The following SCAI variants were observed in gnomAD, a reference collection of about 807,000 sequenced individuals.
SCAI encodes suppressor of cancer cell invasion.
SCAI carries 24 observed loss-of-function variants against 92.2 expected under a neutral mutation model. The observed-to-expected ratio is 0.26, with a 90% confidence interval of 0.19 to 0.37. The LOEUF (loss-of-function observed/expected upper bound fraction) is 0.37, where lower values mean the gene tolerates loss of function less well. SCAI is among the 10% of genes least tolerant of loss of function. The pLI, the probability that SCAI is intolerant of heterozygous loss-of-function variation, is 1.00. For missense variants in SCAI, 450 were observed against 736.2 expected, an observed-to-expected ratio of 0.61 and a Z score of 4.50; for synonymous variants, 261 against 258.6, an observed-to-expected ratio of 1.01 and a Z score of -0.09.
intron 2 of SCAI, among the ~76,000 whole-genome samples, chr9:125,107,160 C>A: frequency 6.6e-6 from 1 of 151,884 alleles, no homozygotes; most frequent in East Asian, 1.9e-4. Flanking sequence ...CCTGTAATCC[C>A]AGCACTTTGG....
intron 9 of SCAI, among the ~76,000 whole-genome samples, chr9:125,007,362 T>A: frequency 6.6e-6 from 1 of 151,878 alleles, no homozygotes; most frequent in East Asian, 1.9e-4. Flanking sequence ...AATGAAGAAA[T>A]AGAGAATTCT....
Position 125,034,757 on chromosome 9 carries a change from A to C in SCAI, c.231-5018T>G, listed in dbSNP as rs77424007. 7.2e-3 allele frequency among the ~76,000 whole-genome samples: 1,098 copies of C among 152,140 alleles called. 12 individuals are homozygous for C. The highest frequency in any genetic ancestry group is 0.034 in the Middle Eastern group (10 of 294). ...AGCAAGACCCTGTCTCAAAACAAAC[A>C]AACCCAAAAAACAAATAGTGTAAAA... On this transcript the variant is annotated intron_variant, in intron 3 of 17. Transcript: ENST00000336505.
chr9:124,954,542 T>C (rs1831284492), intron 17 of SCAI, among the ~76,000 whole-genome samples: 1 of 152,232 alleles, frequency 6.6e-6, no homozygotes, highest in African/African-American at 2.4e-5. Flanking sequence ...GTGAGATCAC[T>C]CTTCAATGTC....
At chr9:125,131,132 G>C (rs552251503) in intron 2 of SCAI, among the ~76,000 whole-genome samples, 1 of 151,474 alleles carries the variant, frequency 6.6e-6, no homozygotes, top group Non-Finnish European at 1.5e-5. Context: ...AGCACTGGGC[G>C]CAGTGGCTCA....
intron 14 of SCAI, among the ~76,000 whole-genome samples, chr9:124,986,077 G>A (rs1234654195): frequency 2.6e-5 from 4 of 152,096 alleles, no homozygotes; most frequent in Admixed American, 1.3e-4. Flanking sequence ...AGATCACGAC[G>A]TCAGGAGATA....
intron 2 of SCAI, among the ~76,000 whole-genome samples, chr9:125,098,972 T>TA (rs909218744): frequency 1.0e-3 from 149 of 146,576 alleles, no homozygotes; most frequent in Admixed American, 7.5e-4. Flanking sequence ...AATCACAGAT[T>TA]AAAAAAAAAA....
chr9:125,113,271 G>C (rs1316762613), intron 2 of SCAI, among the ~76,000 whole-genome samples: 2 of 152,176 alleles, frequency 1.3e-5, no homozygotes, highest in African/African-American at 4.8e-5. Context: ...AATGTGATGA[G>C]AAATGCATTT....
At chr9:125,079,663 C>T (rs1834170285) in intron 2 of SCAI, among the ~76,000 whole-genome samples, 3 of 152,074 alleles carry the variant, frequency 2.0e-5, no homozygotes, top group Middle Eastern at 6.8e-3. Flanking sequence ...ACACTACTAT[C>T]CTGTTGACAC....
At chr9:125,114,091 G>A (rs1430877233) in intron 2 of SCAI, among the ~76,000 whole-genome samples, 1 of 152,134 alleles carries the variant, frequency 6.6e-6, no homozygotes, top group African/African-American at 2.4e-5. Context: ...AATTCACAAG[G>A]ATGCTGCAAA....
rs1481895401 is a variant in SCAI, at chr9:125,106,889, G to GT, written c.98+35743dup. 5.8e-3 allele frequency among the ~76,000 whole-genome samples: 692 copies of GT among 119,416 alleles called. 5 individuals are homozygous for GT. The highest frequency in any genetic ancestry group is 0.021 in the African/African-American group (650 of 31,258). 78.3% of individuals were successfully genotyped at this position (119,416 alleles called of 152,430 possible). ...TTAATTTTTTTTTTTTTTTTTTTAAGTTTTTTGTAGCATCAGAGTCTCATT... is the reference window on the plus strand; with the variant it reads ...TTAATTTTTTTTTTTTTTTTTTTAAGTTTTTTTGTAGCATCAGAGTCTCATT... On this transcript the variant is annotated intron_variant, in intron 2 of 17. Coordinates refer to ENST00000336505, the MANE Select transcript of SCAI (RefSeq NM_001144877.3).
intron 2 of SCAI, among the ~76,000 whole-genome samples, chr9:125,068,402 A>T (rs536701425): frequency 6.6e-6 from 1 of 152,298 alleles, no homozygotes; most frequent in African/African-American, 2.4e-5. Flanking sequence ...CGGGAAGCTG[A>T]GGCAGGAGGA....
At chr9:124,972,465 T>C (rs1831678946) in intron 15 of SCAI, among the ~76,000 whole-genome samples, 1 of 152,170 alleles carries the variant, frequency 6.6e-6, no homozygotes. Context: ...ATGAGTAAAA[T>C]GTGACTAGAT....
At chr9:125,095,479 AATAG>A (rs1333820312) in intron 2 of SCAI, among the ~76,000 whole-genome samples, 2 of 152,250 alleles carry the variant, frequency 1.3e-5, no homozygotes, top group African/African-American at 4.8e-5. Context: ...ACATCCCTAT[AATAG>A]ATAGTCCTAC....
At chr9:125,106,635 G>C (rs1834806483) in intron 2 of SCAI, among the ~76,000 whole-genome samples, 1 of 151,622 alleles carries the variant, frequency 6.6e-6, no homozygotes, top group Non-Finnish European at 1.5e-5. Context: ...CCCACTAAAA[G>C]GAGGATTCAA....
intron 2 of SCAI, among the ~76,000 whole-genome samples, chr9:125,056,634 TATTG>T (rs1464307900): frequency 1.3e-5 from 2 of 152,210 alleles, no homozygotes; most frequent in African/African-American, 4.8e-5. Flanking sequence ...AATCTAAAAA[TATTG>T]ATTTATTTGT....
At chr9:125,082,262 C>T (rs1834237091) in intron 2 of SCAI, among the ~76,000 whole-genome samples, 1 of 152,196 alleles carries the variant, frequency 6.6e-6, no homozygotes, top group South Asian at 2.1e-4. Flanking sequence ...TGGGTGCTTC[C>T]ACATGGTGTT....
chr9:125,010,556 G>A (rs937132418), intron 9 of SCAI, among the ~76,000 whole-genome samples: 13 of 152,322 alleles, frequency 8.5e-5, no homozygotes, highest in South Asian at 4.1e-4. Context: ...AGCCTACCAC[G>A]GCTCAAGGAG....
chr9:124,970,200 T>C (rs751784083), intron 17 of SCAI, among the ~76,000 whole-genome samples: 6 of 152,128 alleles, frequency 3.9e-5, no homozygotes, highest in Non-Finnish European at 5.9e-5. Flanking sequence ...CAAATGTCCA[T>C]TATCAGAAGA....
rs1431094503 is a variant in SCAI at position 124,952,564 on chromosome 9, T to C, written c.*243A>G. On this transcript the variant is annotated 3_prime_UTR_variant, in exon 18 of 18. Transcript: ENST00000336505. The stretch of plus-strand genomic sequence containing the variant: ...TGTAGGATTAGAAGTTGGAGGTAAA[T>C]ATCCATCCCTCAAAATCAAAAAATA... 1.1e-5 allele frequency: 4 copies of C among 370,524 alleles called. No homozygotes were observed. Among genetic ancestry groups the C allele is most frequent in the Non-Finnish European group, 1.9e-5 (4 of 207,860 alleles). 23.0% of individuals were successfully genotyped at this position (370,524 alleles called of 1,614,324 possible). A position where few individuals can be genotyped will look rare whatever the true frequency, so the allele number is the denominator to read the frequency against.
Sources: gnomAD v4.1 joint callset for allele counts (sites outside exome capture counted in the v4.1 genomes callset) on GRCh38, gnomAD v4.1.1 for gene constraint, MANE v1.5 for transcripts, NCBI Gene and HGNC (gene_info 2026-07-23, HGNC 2026-07-21) for gene names.